Variants in PTPRT observed in about 807,000 individuals in gnomAD.
PTPRT encodes receptor-type tyrosine-protein phosphatase T.
Under a neutral mutation model 176.8 loss-of-function variants are expected in PTPRT, and 56 were observed. The ratio of observed to expected loss-of-function variants is 0.32; its 90% confidence interval spans 0.26 to 0.40. The LOEUF (loss-of-function observed/expected upper bound fraction) is 0.40, where lower values mean the gene tolerates loss of function less well. Among genes scored for constraint, PTPRT ranks in the 10% least tolerant of loss-of-function variants. PTPRT has a pLI of 1.00. For synonymous variants in PTPRT, 783 were observed against 739.0 expected, an observed-to-expected ratio of 1.06 and a Z score of -0.96; for missense variants, 1,540 against 1,908.2, an observed-to-expected ratio of 0.81 and a Z score of 3.60.
chr20:42,756,249 G>A (rs554122583), intron 6 of PTPRT, among the ~76,000 whole-genome samples: 2 of 152,326 alleles, frequency 1.3e-5, no homozygotes, highest in Non-Finnish European at 2.9e-5. Flanking sequence ...TTGTATGTGA[G>A]ACTCAAGTTG....
chr20:42,627,896 T>C (rs2074324780), intron 7 of PTPRT, among the ~76,000 whole-genome samples: 1 of 152,162 alleles, frequency 6.6e-6, no homozygotes, highest in African/African-American at 2.4e-5. Flanking sequence ...GAATGGGGAA[T>C]GCTTGTCATT....
intron 1 of PTPRT, among the ~76,000 whole-genome samples, chr20:42,957,556 C>T (rs987700192): frequency 9.2e-5 from 14 of 152,094 alleles, no homozygotes; most frequent in Non-Finnish European, 1.5e-4. Context: ...TCAGACTCTC[C>T]CTTGGTTCTC....
intron 8 of PTPRT, among the ~76,000 whole-genome samples, chr20:42,450,630 G>GTT (rs11484120): frequency 6.6e-6 from 1 of 151,934 alleles, no homozygotes. Context: ...ATTTTCGCCA[G>GTT]TTTTTTTGTT....
chr20:42,964,907 T>A (rs1003168967), intron 1 of PTPRT, among the ~76,000 whole-genome samples: 1 of 152,236 alleles, frequency 6.6e-6, no homozygotes, highest in Non-Finnish European at 1.5e-5. Flanking sequence ...TATCAATAGA[T>A]GCCAAACTGT....
At chr20:42,479,178 C>CAA (rs1033584997) in intron 7 of PTPRT, among the ~76,000 whole-genome samples, 9 of 152,154 alleles carry the variant, frequency 5.9e-5, no homozygotes, top group Non-Finnish European at 4.4e-5. Context: ...AAAGAAGCAG[C>CAA]AAAACAGATT....
chr20:42,111,111 C>G (rs1489550702), intron 22 of PTPRT, among the ~76,000 whole-genome samples: 1 of 152,116 alleles, frequency 6.6e-6, no homozygotes, highest in African/African-American at 2.4e-5. Flanking sequence ...GAGCGGTTCC[C>G]CTCCCCTTTC....
intron 6 of PTPRT, among the ~76,000 whole-genome samples, chr20:42,690,947 T>A (rs554030860): frequency 6.6e-6 from 1 of 152,194 alleles, no homozygotes; most frequent in Non-Finnish European, 1.5e-5. Context: ...TTTCTTCCCA[T>A]GGCTATTAGC....
At chr20:42,809,950 T>C (rs1232510623) in intron 2 of PTPRT, among the ~76,000 whole-genome samples, 2 of 152,142 alleles carry the variant, frequency 1.3e-5, no homozygotes, top group African/African-American at 4.8e-5. Context: ...ACTGGGTGAC[T>C]CTGTAAATGT....
At chr20:42,422,324 C>A (rs973376320) in intron 9 of PTPRT, among the ~76,000 whole-genome samples, 1 of 152,112 alleles carries the variant, frequency 6.6e-6, no homozygotes, top group Non-Finnish European at 1.5e-5. Flanking sequence ...GGTCTAATAT[C>A]CAGCATCTAT....
intron 5 of PTPRT, among the ~76,000 whole-genome samples, chr20:42,764,608 T>A (rs957722910): frequency 1.3e-5 from 2 of 152,312 alleles, no homozygotes; most frequent in East Asian, 3.9e-4. Flanking sequence ...ACAGGACCTA[T>A]GTTTCTTCAC....
At chr20:42,350,511 G>A in intron 11 of PTPRT, 117 bp downstream of exon 11, 2 of 875,484 alleles carry the variant, frequency 2.3e-6, no homozygotes, top group Admixed American at 3.9e-5. Context: ...TTCCTCCGAG[G>A]AAGCTTTGTT....
At chr20:42,157,676 C>T (rs961733419) in intron 17 of PTPRT, among the ~76,000 whole-genome samples, 11 of 152,240 alleles carry the variant, frequency 7.2e-5, no homozygotes, top group African/African-American at 2.6e-4. Context: ...TGGCAACTGC[C>T]CCTCCTCCTC....
intron 1 of PTPRT, among the ~76,000 whole-genome samples, chr20:43,050,806 T>C (rs1260341742): frequency 2.0e-5 from 3 of 152,192 alleles, no homozygotes; most frequent in Admixed American, 1.3e-4. Flanking sequence ...GGGATACAGA[T>C]GGGCCTGATC....
In PTPRT at chr20:42,956,067, A is replaced by G. The variant is rs372993228; in HGVS notation, c.89-70135T>C. Reference sequence around the variant, plus strand: ...CTCTGGTTAAAGCTTTCCCCCACACACAGGTGGTTAACTCTATTGCATGTA... The same window carrying G: ...CTCTGGTTAAAGCTTTCCCCCACACGCAGGTGGTTAACTCTATTGCATGTA... On this transcript the variant is annotated intron_variant, in intron 1 of 30. Transcript: ENST00000373187. Among the ~76,000 whole-genome samples, 12 of 152,190 alleles carry G rather than the reference A, an allele frequency of 7.9e-5. 1 individual carries two copies. Among genetic ancestry groups the G allele is most frequent in the African/African-American group, 2.6e-4 (11 of 41,516 alleles).
At chr20:42,442,161 C>G (rs1000599624) in intron 9 of PTPRT, among the ~76,000 whole-genome samples, 1 of 152,116 alleles carries the variant, frequency 6.6e-6, no homozygotes, top group Non-Finnish European at 1.5e-5. Flanking sequence ...AGAGTTTCCT[C>G]GTGAGCTTAT....
intron 6 of PTPRT, among the ~76,000 whole-genome samples, chr20:42,737,982 T>C (rs1254504656): frequency 6.6e-6 from 1 of 152,136 alleles, no homozygotes; most frequent in Non-Finnish European, 1.5e-5. Flanking sequence ...ACTCCTGTTC[T>C]GGCCACATCA....
intron 7 of PTPRT, among the ~76,000 whole-genome samples, chr20:42,489,210 G>C (rs2071518344): frequency 6.6e-6 from 1 of 151,952 alleles, no homozygotes; most frequent in Admixed American, 6.6e-5. Flanking sequence ...CCTAATGGTA[G>C]ACATGAAATC....
rs79249317 is a variant in PTPRT, at chr20:42,587,685, A to C, written c.1153+90181T>G. 7.2e-5 allele frequency among the ~76,000 whole-genome samples: 11 copies of C among 152,314 alleles called. No individual in the cohort carries two copies. The East Asian group carries it at 1.9e-3, about 27-fold the overall frequency. ...CCTCACCTTGGCTGTGACTGAGCCC[A>C]GCTGGCTATCTTCAAATGCGGTCAC... On this transcript the variant is annotated intron_variant, in intron 7 of 30. Coordinates refer to ENST00000373187, the MANE Select transcript of PTPRT (RefSeq NM_007050.6).
intron 6 of PTPRT, among the ~76,000 whole-genome samples, chr20:42,712,642 T>C (rs2076162308): frequency 6.6e-6 from 1 of 152,220 alleles, no homozygotes; most frequent in East Asian, 1.9e-4. Context: ...TAAGGTGATT[T>C]CCAGCTTAAA....
Sources: allele counts gnomAD v4.1 joint callset (sites outside exome capture counted in the v4.1 genomes callset), GRCh38; gene constraint gnomAD v4.1.1; transcripts MANE v1.5; gene names NCBI Gene and HGNC (gene_info 2026-07-23, HGNC 2026-07-21).